Variants in FREM3 observed in about 807,000 individuals in gnomAD.
FREM3 encodes FRAS1-related extracellular matrix protein 3.
FREM3 carries 105 observed loss-of-function variants against 129.1 expected under a neutral mutation model. The ratio of observed to expected loss-of-function variants is 0.81; its 90% CI spans 0.69 to 0.96. FREM3 has a LOEUF of 0.96. Among genes scored for constraint, FREM3 ranks in the 40% least tolerant of loss-of-function variants. The probability of loss-of-function intolerance (pLI) is 0.00; values close to 1 mark genes in which losing one functional copy is unlikely to be tolerated. For synonymous variants in FREM3, 1,014 were observed against 1,044.9 expected (o/e 0.97, Z 0.57); for missense variants, 2,593 against 2,666.3 (o/e 0.97, Z 0.61).
intron 6 of FREM3, among the ~76,000 whole-genome samples, chr4:143,590,752 T>A (rs1263559951): frequency 6.6e-6 from 1 of 152,214 alleles, no homozygotes; most frequent in Non-Finnish European, 1.5e-5. Flanking sequence ...GCTGGCCTCA[T>A]AAAATGAGTT....
chr4:143,663,875 A>G (rs1047903996), intron 2 of FREM3, among the ~76,000 whole-genome samples: 2 of 152,034 alleles, frequency 1.3e-5, no homozygotes, highest in Non-Finnish European at 2.9e-5. Context: ...AGTTGATCGC[A>G]TCGGCTCCTG....
In FREM3 at chr4:143,596,738, C is replaced by T. The variant is rs1439764194; in HGVS notation, c.6029-10745G>A. On this transcript the variant is annotated intron_variant, in intron 6 of 7. Coordinates refer to ENST00000329798, the MANE Select transcript of FREM3 (RefSeq NM_001168235.2). ...TCACTTGAGACCAGGAGTTCGAGAC[C>T]AGCCTGGAAAACATAGCGAGATCCC... 2.0e-5 allele frequency among the ~76,000 whole-genome samples: 3 copies of T among 151,630 alleles called. No homozygotes were observed. In the East Asian group the frequency reaches 5.8e-4, roughly 29 times the overall value.
intron 2 of FREM3, among the ~76,000 whole-genome samples, chr4:143,659,339 G>A (rs1323909457): frequency 5.3e-5 from 8 of 151,588 alleles, no homozygotes; most frequent in Non-Finnish European, 7.4e-5. Context: ...GAGAACATGC[G>A]GTGTTTGGTT....
At position 143,675,218 on chromosome 4, in the gene FREM3, A is replaced by T. The variant is rs1254194432; in HGVS notation, c.5275+17895T>A. 2.6e-5 allele frequency among the ~76,000 whole-genome samples: 4 copies of T among 152,240 alleles called. No homozygotes were observed. The East Asian group carries it at 5.8e-4, about 22-fold the overall frequency. On this transcript the variant is annotated intron_variant, in intron 2 of 7. Coordinates refer to ENST00000329798, the MANE Select transcript of FREM3 (RefSeq NM_001168235.2). ...TCAGACCACAGTGCAATCAAACTAG[A>T]ACTCAGGATTAAGAAACTCACTCAA...
intron 5 of FREM3, 71 bp downstream of exon 5, chr4:143,620,950 GCTCACCCTCTGTGGTA>G: frequency 7.6e-7 from 1 of 1,320,602 alleles, no homozygotes; most frequent in South Asian, 1.4e-5. Context: ...ACTCTGCTTT[GCTCACCCTCTGTGGTA>G]CTCCCAGCAT....
At chr4:143,684,055 T>TGGGAG (rs1740308776) in intron 2 of FREM3, among the ~76,000 whole-genome samples, 1 of 152,110 alleles carries the variant, frequency 6.6e-6, no homozygotes, top group South Asian at 2.1e-4. Context: ...CCTCACATGA[T>TGGGAG]GGGCCTTCCC....
intron 5 of FREM3, among the ~76,000 whole-genome samples, chr4:143,617,989 G>A (rs1426898235): frequency 1.3e-5 from 2 of 152,124 alleles, no homozygotes; most frequent in Non-Finnish European, 2.9e-5. Flanking sequence ...AGCAGACAAT[G>A]GTGCTAAAGT....
chr4:143,631,745 G>C (rs562588607), intron 2 of FREM3, among the ~76,000 whole-genome samples: 1 of 152,212 alleles, frequency 6.6e-6, no homozygotes, highest in East Asian at 1.9e-4. Context: ...AGAGAAGGAG[G>C]GGCCATTTTA....
intron 2 of FREM3, among the ~76,000 whole-genome samples, chr4:143,683,582 G>T (rs970696212): frequency 6.6e-6 from 1 of 152,200 alleles, no homozygotes; most frequent in African/African-American, 2.4e-5. Flanking sequence ...AACGGGAGAG[G>T]AGCAGGGGGA....
chr4:143,592,513 T>G (rs1188782354), intron 6 of FREM3, among the ~76,000 whole-genome samples: 1 of 152,208 alleles, frequency 6.6e-6, no homozygotes, highest in African/African-American at 2.4e-5. Context: ...TTAGTTTGGC[T>G]GGATATGAAA....
chr4:143,596,771 T>A (rs1228184501), intron 6 of FREM3, among the ~76,000 whole-genome samples: 2 of 151,386 alleles, frequency 1.3e-5, no homozygotes, highest in Non-Finnish European at 2.9e-5. Flanking sequence ...CCCATCTCTA[T>A]AAAAAAATAA....
intron 6 of FREM3, among the ~76,000 whole-genome samples, chr4:143,590,969 G>C (rs1274909750): frequency 2.0e-5 from 3 of 152,234 alleles, no homozygotes; most frequent in Admixed American, 6.5e-5. Context: ...AGTCTTGGGA[G>C]AGTGTATATG....
chr4:143,589,707 T>G (rs76819060), intron 6 of FREM3, among the ~76,000 whole-genome samples: 1 of 152,146 alleles, frequency 6.6e-6, no homozygotes, highest in Non-Finnish European at 1.5e-5. Context: ...TGGCTTAGGA[T>G]TGACTTGGCG....
intron 6 of FREM3, among the ~76,000 whole-genome samples, chr4:143,586,499 T>G (rs756952280): frequency 2.6e-5 from 4 of 151,958 alleles, no homozygotes; most frequent in Non-Finnish European, 5.9e-5. Context: ...CCTGGGGCAG[T>G]GAATGAGGGG....
chr4:143,645,037 A>T (rs929539820), intron 2 of FREM3: 2 of 152,216 alleles, frequency 1.3e-5, no homozygotes, highest in African/African-American at 4.8e-5. Context: ...TAGTGAAAAG[A>T]TAACTATTTC....
intron 2 of FREM3, among the ~76,000 whole-genome samples, chr4:143,661,764 A>G (rs1200664439): frequency 6.6e-6 from 1 of 152,124 alleles, no homozygotes; most frequent in Admixed American, 6.5e-5. Flanking sequence ...CCACAATTTC[A>G]GCTCCTGTTA....
At chr4:143,637,314 A>G (rs1739248892) in intron 2 of FREM3, among the ~76,000 whole-genome samples, 1 of 152,180 alleles carries the variant, frequency 6.6e-6, no homozygotes, top group Admixed American at 6.6e-5. Flanking sequence ...GGAATAGAAG[A>G]ATTGGCAGAT....
chr4:143,587,612 C>T (rs377746973), intron 6 of FREM3, among the ~76,000 whole-genome samples: 1 of 152,280 alleles, frequency 6.6e-6, no homozygotes, highest in East Asian at 1.9e-4. Flanking sequence ...TTTCTGATGC[C>T]TCCACGGTTG....
intron 6 of FREM3, among the ~76,000 whole-genome samples, chr4:143,592,045 A>T (rs916829901): frequency 2.6e-5 from 4 of 152,140 alleles, no homozygotes; most frequent in African/African-American, 7.2e-5. Context: ...CTGTTTTATC[A>T]GAGACTAGGA....
Sources: gnomAD v4.1 joint callset for allele counts (sites outside exome capture counted in the v4.1 genomes callset) on GRCh38, gnomAD v4.1.1 for gene constraint, MANE v1.5 for transcripts, NCBI Gene and HGNC (gene_info 2026-07-23, HGNC 2026-07-21) for gene names.